The following ACOXL variants were observed in gnomAD, a reference collection of about 807,000 sequenced individuals.
ACOXL encodes acyl-coenzyme A oxidase-like protein.
A neutral mutation model predicts 71.9 loss-of-function variants in ACOXL; 70 were observed. That is an observed-to-expected ratio of 0.97 (90% CI 0.80 to 1.19). The LOEUF (loss-of-function observed/expected upper bound fraction) is 1.19. Ranked by LOEUF, ACOXL falls within the 50% of genes most tolerant of loss-of-function variation. The probability of loss-of-function intolerance (pLI) is 0.00; values close to 1 mark genes in which losing one functional copy is unlikely to be tolerated. For synonymous variants in ACOXL, 253 were observed against 281.6 expected (o/e 0.90, Z 1.02); for missense variants, 703 against 736.3 (o/e 0.95, Z 0.52).
chr2:111,002,426 A>G (rs1487895994), intron 14 of ACOXL, among the ~76,000 whole-genome samples: 2 of 152,240 alleles, frequency 1.3e-5, no homozygotes, highest in South Asian at 2.1e-4. Flanking sequence ...TTTTCAACCA[A>G]TATTTCCATT....
At chr2:110,997,629 TAAA>T (rs2063456670) in intron 14 of ACOXL, among the ~76,000 whole-genome samples, 1 of 152,176 alleles carries the variant, frequency 6.6e-6, no homozygotes, top group Non-Finnish European at 1.5e-5. Flanking sequence ...TAGCCTTCCT[TAAA>T]AAGTTATCTT....
chr2:111,027,518 C>T (rs2065071754), intron 14 of ACOXL, among the ~76,000 whole-genome samples: 1 of 151,790 alleles, frequency 6.6e-6, no homozygotes, highest in Non-Finnish European at 1.5e-5. Context: ...GACAGGGTTT[C>T]ACCATATTGG....
At chr2:110,848,453 G>T (rs1573817332) in intron 10 of ACOXL, among the ~76,000 whole-genome samples, 1 of 152,318 alleles carries the variant, frequency 6.6e-6, no homozygotes, top group Non-Finnish European at 1.5e-5. Context: ...GCCCCTAAAT[G>T]GCAGCCTATG....
rs542347640 is a variant in ACOXL, at chr2:110,881,079, T to G, written c.789-27710T>G. Reference sequence around the variant, plus strand: ...AGATTATTTTTAAGTTTCTAATATATTTTTTCCAAGTAGATAGCCAGTTTT... The same window carrying G: ...AGATTATTTTTAAGTTTCTAATATAGTTTTTCCAAGTAGATAGCCAGTTTT... On this transcript the variant is annotated intron_variant, in intron 10 of 17. Coordinates refer to ENST00000439055, the MANE Select transcript of ACOXL (RefSeq NM_001142807.4). 2.6e-3 allele frequency among the ~76,000 whole-genome samples: 392 copies of G among 152,060 alleles called. 2 individuals carry two copies. Among genetic ancestry groups the G allele is most frequent in the African/African-American group, 7.5e-3 (310 of 41,512 alleles).
chr2:110,775,834 G>C (rs1324334468), intron 2 of ACOXL, among the ~76,000 whole-genome samples: 1 of 152,178 alleles, frequency 6.6e-6, no homozygotes, highest in Non-Finnish European at 1.5e-5. Context: ...TGTAGCCACT[G>C]GGGAACACAA....
chr2:111,028,741 C>G (rs2065128753), intron 14 of ACOXL, among the ~76,000 whole-genome samples: 1 of 152,200 alleles, frequency 6.6e-6, no homozygotes, highest in African/African-American at 2.4e-5. Context: ...CTTCTTTATG[C>G]ATTCAGCTCT....
chr2:111,094,070 A>T (rs2068679784), intron 17 of ACOXL: 1 of 152,510 alleles, frequency 6.6e-6, no homozygotes, highest in African/African-American at 2.4e-5. Context: ...GGGAAAATGC[A>T]GTTGAAACTT....
chr2:111,108,073 G>A (rs988598175), intron 17 of ACOXL, among the ~76,000 whole-genome samples: 5 of 152,146 alleles, frequency 3.3e-5, no homozygotes, highest in Non-Finnish European at 7.3e-5. Context: ...TTTTCCTAGG[G>A]AAAGAGTTGA....
intron 10 of ACOXL, among the ~76,000 whole-genome samples, chr2:110,888,966 A>G (rs559757414): frequency 2.5e-4 from 38 of 152,350 alleles, no homozygotes; most frequent in African/African-American, 9.1e-4. Flanking sequence ...AGAGAATTGC[A>G]GGAAAAACCA....
chr2:111,048,002 C>T (rs1377009962), intron 15 of ACOXL, among the ~76,000 whole-genome samples: 1 of 152,244 alleles, frequency 6.6e-6, no homozygotes, highest in Non-Finnish European at 1.5e-5. Flanking sequence ...CTACAAACAA[C>T]CTACCCAGAC....
intron 8 of ACOXL, among the ~76,000 whole-genome samples, chr2:110,802,614 A>C (rs1166264356): frequency 2.6e-5 from 4 of 152,226 alleles, no homozygotes; most frequent in Non-Finnish European, 5.9e-5. Flanking sequence ...CCCCCATGAC[A>C]CAAGTTTACC....
At position 111,049,300 on chromosome 2, in the gene ACOXL, G is replaced by A. The variant is rs773192500; in HGVS notation, c.1440+12G>A. 2 of 1,593,642 alleles carry A rather than the reference G, an allele frequency of 1.3e-6. No individual in the cohort carries two copies. The highest frequency in any genetic ancestry group is 1.3e-5 in the African/African-American group (1 of 74,472). On this transcript the variant is annotated intron_variant, in intron 16 of 17. Coordinates refer to ENST00000439055, the MANE Select transcript of ACOXL (RefSeq NM_001142807.4). ...CTTTGTTAATGAAGGTAGGTTATCA[G>A]ATAAAGAACTTATTTCCTAAAGGCT...
At chr2:110,856,910 C>G (rs144660217) in intron 10 of ACOXL, among the ~76,000 whole-genome samples, 1 of 152,328 alleles carries the variant, frequency 6.6e-6, no homozygotes, top group African/African-American at 2.4e-5. Flanking sequence ...TTTTCTAAGA[C>G]TCAGATGATG....
In ACOXL at chr2:110,805,241, AC is replaced by A; in HGVS notation, c.621-18del. The A allele has an allele frequency of 1.9e-6, 3 of 1,612,090 alleles. No individual in the cohort carries two copies. The South Asian group carries it at 3.3e-5, about 18-fold the overall frequency. On this transcript the variant is annotated intron_variant, in intron 8 of 17. Coordinates refer to ENST00000439055, the MANE Select transcript of ACOXL (RefSeq NM_001142807.4). ...GTGCTATGTCCTGCTTTTTTGTGAA[AC>A]CCCACCTCTCTTTTCCACAGGTTTG...
chr2:110,989,600 C>T (rs529357847), intron 13 of ACOXL, among the ~76,000 whole-genome samples: 23 of 152,112 alleles, frequency 1.5e-4, no homozygotes, highest in African/African-American at 5.5e-4. Flanking sequence ...ATATTGGTTC[C>T]CAGGGGCTAA....
chr2:111,098,318 A>C (rs990840939), intron 17 of ACOXL: 1 of 152,238 alleles, frequency 6.6e-6, no homozygotes, highest in Non-Finnish European at 1.5e-5. Context: ...GCTAAAAAAA[A>C]CAAAAATCAC....
rs1013508515 is a variant in ACOXL, at chr2:110,873,464, C to T, written c.788+32059C>T. ...GGTAGCAGGATGTTTGCTGAGCCTG[C>T]TCTTACAAGTTTTAAAGTATTATCT... On this transcript the variant is annotated intron_variant, in intron 10 of 17. Transcript: ENST00000439055. Among the ~76,000 whole-genome samples the T allele has an allele frequency of 2.6e-5, 4 of 152,318 alleles. No homozygotes were observed. In the South Asian group the frequency reaches 8.3e-4, roughly 32 times the overall value.
intron 14 of ACOXL, among the ~76,000 whole-genome samples, chr2:111,007,947 G>T (rs934310419): frequency 4.6e-5 from 7 of 152,214 alleles, no homozygotes; most frequent in African/African-American, 1.7e-4. Context: ...CAGAAACCTG[G>T]CTTTCATTGT....
rs1328811282 is a variant in ACOXL, at chr2:110,933,596, A to G, written c.1013A>G (p.Glu338Gly). 1 of 1,613,674 alleles carries G rather than the reference A, an allele frequency of 6.2e-7. No individual in the cohort carries two copies. Among genetic ancestry groups the G allele is most frequent in the Non-Finnish European group, 8.5e-7 (1 of 1,179,962 alleles). The change falls in exon 12 of 18, where the codon GAG becomes GGG. Residue 338 changes from glutamate to glycine, a missense_variant. Transcript: ENST00000439055. ...GGGCTGAAGGCCTACAGCACCTGGG[A>G]GAACATCCGCTGCCTGCAGGACTGC... ...VAGLKAYSTWENIRCLQDCRE... is the reference protein window; with the variant it reads ...VAGLKAYSTWGNIRCLQDCRE...
Sources: gnomAD v4.1 joint callset for allele counts (sites outside exome capture counted in the v4.1 genomes callset) on GRCh38, gnomAD v4.1.1 for gene constraint, MANE v1.5 for transcripts, NCBI Gene and HGNC (gene_info 2026-07-23, HGNC 2026-07-21) for gene names.